Variants in ARFGEF3 observed in about 807,000 individuals in gnomAD.
The protein encoded by ARFGEF3 is ARFGEF family member 3.
Under a neutral mutation model 221.7 loss-of-function variants are expected in ARFGEF3, and 96 were observed. That is an observed-to-expected ratio of 0.43 (90% confidence interval 0.37 to 0.51). The LOEUF (loss-of-function observed/expected upper bound fraction) is 0.51. Among genes scored for constraint, ARFGEF3 ranks in the 20% least tolerant of loss-of-function variants. The probability of loss-of-function intolerance (pLI) is 0.00; values close to 1 mark genes in which losing one functional copy is unlikely to be tolerated. For synonymous variants in ARFGEF3, 1,145 were observed against 1,126.8 expected, an observed-to-expected ratio of 1.02 and a Z score of -0.32; for missense variants, 2,410 against 2,789.9, an observed-to-expected ratio of 0.86 and a Z score of 3.07.
At chr6:138,164,052 C>G (rs1316365028) in intron 1 of ARFGEF3, among the ~76,000 whole-genome samples, 1 of 152,106 alleles carries the variant, frequency 6.6e-6, no homozygotes, top group Non-Finnish European at 1.5e-5. Context: ...TGGTAATGAG[C>G]AATGGGATAT....
chr6:138,220,961 G>A (rs1022513167), intron 4 of ARFGEF3, among the ~76,000 whole-genome samples: 1 of 152,106 alleles, frequency 6.6e-6, no homozygotes, highest in African/African-American at 2.4e-5. Context: ...CTCATGTATC[G>A]GAAACCACCC....
intron 3 of ARFGEF3, among the ~76,000 whole-genome samples, chr6:138,209,107 G>A (rs554787122): frequency 1.3e-5 from 2 of 152,090 alleles, no homozygotes; most frequent in Non-Finnish European, 1.5e-5. Flanking sequence ...TGAGGTTTTG[G>A]GGGGGATGCA....
chr6:138,298,888 T>C (rs1417063362), intron 22 of ARFGEF3, 103 bp downstream of exon 22: 5 of 876,346 alleles, frequency 5.7e-6, no homozygotes, highest in East Asian at 5.5e-5. Flanking sequence ...AATAATCCTA[T>C]GTGGAATCTG....
At chr6:138,197,919 G>GA (rs1163427453) in intron 2 of ARFGEF3, among the ~76,000 whole-genome samples, 21 of 152,086 alleles carry the variant, frequency 1.4e-4, no homozygotes, top group Admixed American at 1.4e-3. Context: ...TATAAAAAAA[G>GA]AAAAAATTCT....
chr6:138,267,286 A>G (rs1778914159), intron 12 of ARFGEF3, among the ~76,000 whole-genome samples: 1 of 152,054 alleles, frequency 6.6e-6, no homozygotes, highest in Non-Finnish European at 1.5e-5. Flanking sequence ...TTAGCCAGGC[A>G]TGGTGGTGCA....
At chr6:138,289,709 G>A in intron 17 of ARFGEF3, 109 bp from the exon 18 acceptor site, 1 of 1,198,150 alleles carries the variant, frequency 8.3e-7, no homozygotes, top group Non-Finnish European at 1.2e-6. Flanking sequence ...TGCTGCCACT[G>A]AAGTCTGTCC....
chr6:138,268,555 G>A (rs1778938878), intron 12 of ARFGEF3, among the ~76,000 whole-genome samples: 1 of 152,202 alleles, frequency 6.6e-6, no homozygotes, highest in African/African-American at 2.4e-5. Flanking sequence ...TCATATGGTA[G>A]GGGAGTTTGA....
intron 26 of ARFGEF3, 53 bp from the exon 27 acceptor site, chr6:138,317,198 A>G (rs1779940980): frequency 1.9e-6 from 3 of 1,589,848 alleles, no homozygotes; most frequent in Non-Finnish European, 2.6e-6. Context: ...TCTTGAGATG[A>G]TTATTCATTG....
Position 138,162,450 on chromosome 6 carries a change from C to A in ARFGEF3, c.85+279C>A, listed in dbSNP as rs1582988898. Among the ~76,000 whole-genome samples, 1 of 152,136 alleles carries A rather than the reference C, an allele frequency of 6.6e-6. No individual in the cohort carries two copies. Among genetic ancestry groups the A allele is most frequent in the Non-Finnish European group, 1.5e-5 (1 of 68,028 alleles). ...CTTCTCCTGGTCCCGGCGCTGGGGA[C>A]GATGCTTCCCCATCGCCGAGTTAGG... On this transcript the variant is annotated intron_variant, in intron 1 of 33. Coordinates refer to ENST00000251691, the MANE Select transcript of ARFGEF3 (RefSeq NM_020340.5). This position sits in a 1 kb window ranked among gnomAD's most constrained non-coding sequence, Gnocchi z 4.7.
chr6:138,162,136 A>G lies in ARFGEF3; in HGVS notation c.50A>G (p.Tyr17Cys). 6.2e-7 allele frequency: 1 copy of G among 1,605,956 alleles called. No individual in the cohort carries two copies. Among genetic ancestry groups the G allele is most frequent in the South Asian group, 1.1e-5 (1 of 90,676 alleles). Residue 17 changes from tyrosine to cysteine, a missense_variant, in exon 1 of 34, where the codon TAC (tyrosine) becomes TGC (cysteine). Coordinates refer to ENST00000251691, the MANE Select transcript of ARFGEF3 (RefSeq NM_020340.5). This position sits in a 1 kb window ranked among gnomAD's most constrained non-coding sequence, Gnocchi z 4.7. ...KLQKEASGSK[Y>C]KAIKESCTWA... ...CAGAAGGAGGCGTCCGGGAGCAAGTACAAAGCCATCAAGGAGAGCTGCACC... is the reference window on the plus strand; with the variant it reads ...CAGAAGGAGGCGTCCGGGAGCAAGTGCAAAGCCATCAAGGAGAGCTGCACC...
At chr6:138,183,662 T>C (rs547890592) in intron 2 of ARFGEF3, among the ~76,000 whole-genome samples, 1 of 152,328 alleles carries the variant, frequency 6.6e-6, no homozygotes, top group South Asian at 2.1e-4. Flanking sequence ...ACAAGCTCTC[T>C]TCTCTCAAAG....
Position 138,201,586 on chromosome 6 carries a change from G to A in ARFGEF3, c.138-5456G>A, listed in dbSNP as rs146222465. Reference sequence around the variant, plus strand: ...ACTCAGGAATGGAAAACCACACATCGTATGTTCCCACTGATATGTGGGAGC... The same window carrying A: ...ACTCAGGAATGGAAAACCACACATCATATGTTCCCACTGATATGTGGGAGC... On this transcript the variant is annotated intron_variant, in intron 2 of 33. Coordinates refer to ENST00000251691, the MANE Select transcript of ARFGEF3 (RefSeq NM_020340.5). Among the ~76,000 whole-genome samples the A allele has an allele frequency of 5.4e-3, 820 of 152,296 alleles. 2 individuals are homozygous for A. Among genetic ancestry groups the A allele is most frequent in the Non-Finnish European group, 9.0e-3 (611 of 68,028 alleles).
At chr6:138,264,231 A>G (rs1778844552) in intron 12 of ARFGEF3, among the ~76,000 whole-genome samples, 1 of 152,232 alleles carries the variant, frequency 6.6e-6, no homozygotes, top group African/African-American at 2.4e-5. Context: ...GTATTATTGA[A>G]GGGCAGAAGA....
chr6:138,266,526 A>T lies in ARFGEF3; in HGVS notation c.2128+2915A>T, dbSNP rs1259243800. Among the ~76,000 whole-genome samples the T allele has an allele frequency of 2.6e-5, 4 of 152,204 alleles. No homozygotes were observed. The East Asian group carries it at 7.8e-4, about 30-fold the overall frequency. The stretch of plus-strand genomic sequence containing the variant: ...AGTGCTAGGATTACAGGCATGAGCC[A>T]CTACACCAAGCCTTTTGGTCTCTTA... On this transcript the variant is annotated intron_variant, in intron 12 of 33. Transcript: ENST00000251691.
At chr6:138,306,080 G>C (rs1166186756) in intron 22 of ARFGEF3, among the ~76,000 whole-genome samples, 1 of 152,088 alleles carries the variant, frequency 6.6e-6, no homozygotes, top group Non-Finnish European at 1.5e-5. Flanking sequence ...GTTGTATATA[G>C]AACATTATAT....
At chr6:138,323,971 C>T in intron 30 of ARFGEF3, 52 bp from the exon 31 acceptor site, 1 of 1,595,984 alleles carries the variant, frequency 6.3e-7, no homozygotes, top group East Asian at 2.2e-5. Context: ...CAAGACTGAG[C>T]CCGGCCCATG....
At chr6:138,267,356 C>T (rs774969204) in intron 12 of ARFGEF3, among the ~76,000 whole-genome samples, 16 of 152,130 alleles carry the variant, frequency 1.1e-4, no homozygotes, top group Admixed American at 3.3e-4. Context: ...ACCCAGGAGG[C>T]GGAGGTTGCA....
At chr6:138,263,706 T>C (rs1039256157) in intron 12 of ARFGEF3, 95 bp downstream of exon 12, 4 of 1,148,856 alleles carry the variant, frequency 3.5e-6, no homozygotes, top group Non-Finnish European at 4.9e-6. Context: ...TTTGACGTGC[T>C]CAAAGCATAT....
At chr6:138,326,025 T>G (rs943802284) in intron 31 of ARFGEF3, among the ~76,000 whole-genome samples, 5 of 151,976 alleles carry the variant, frequency 3.3e-5, no homozygotes, top group Admixed American at 2.6e-4. Flanking sequence ...CCCAGCTAAT[T>G]TTTGCATTTT....
Sources: allele counts gnomAD v4.1 joint callset (sites outside exome capture counted in the v4.1 genomes callset), GRCh38; gene constraint gnomAD v4.1.1; non-coding constraint Gnocchi (gnomAD v3.1); transcripts MANE v1.5; gene names NCBI Gene and HGNC (gene_info 2026-07-23, HGNC 2026-07-21).